Variants in THAP3 observed in about 807,000 individuals in gnomAD.
THAP3 encodes THAP domain-containing protein 3.
In THAP3, 12 loss-of-function variants were observed where a neutral mutation model predicts 17.7. The ratio of observed to expected loss-of-function variants is 0.68; its 90% CI spans 0.43 to 1.10. The LOEUF (loss-of-function observed/expected upper bound fraction) is 1.10. THAP3 is among the 50% of genes least tolerant of loss of function. The probability of loss-of-function intolerance (pLI) is 0.00; values close to 1 mark genes in which losing one functional copy is unlikely to be tolerated. For synonymous variants in THAP3, 133 were observed against 126.9 expected (o/e 1.05, Z -0.32); for missense variants, 289 against 318.0 (o/e 0.91, Z 0.69).
chr1:6,630,226 G>A (rs2148718850), intron 3 of THAP3, 62 bp from the exon 4 acceptor site: 1 of 1,469,158 alleles, frequency 6.8e-7, no homozygotes, highest in East Asian at 2.3e-5. Flanking sequence ...TGATGCCCGA[G>A]GCCTGCCCCG....
chr1:6,633,565 G>A (rs1408499091), downstream of THAP3: 5 of 1,069,244 alleles, frequency 4.7e-6, no homozygotes, highest in Non-Finnish European at 5.7e-6. Flanking sequence ...TTTCTATACG[G>A]TGTCGCTCCC....
Position 6,630,288 on chromosome 1 carries a change from C to G in THAP3, c.268C>G (p.Gln90Glu). 1 of 1,614,020 alleles carries G rather than the reference C, an allele frequency of 6.2e-7. No individual in the cohort carries two copies. The highest frequency in any genetic ancestry group is 1.3e-5 in the African/African-American group (1 of 75,012). Reference protein sequence around the residue: ...TVFAFQDPTQQVRENTDPASE... With the variant: ...TVFAFQDPTQEVRENTDPASE... Reference sequence around the variant, plus strand: ...TCCACTCTGTGTGTGTCTCTTGTAGCAGGTGAGGGAGAACACAGACCCTGC... The same window carrying G: ...TCCACTCTGTGTGTGTCTCTTGTAGGAGGTGAGGGAGAACACAGACCCTGC... The change falls in exon 4 of 6, where the codon CAG becomes GAG. Residue 90 changes from glutamine (Q) to glutamate (E), a missense_variant and splice_region_variant. Coordinates refer to ENST00000054650, the MANE Select transcript of THAP3 (RefSeq NM_001195753.2).
chr1:6,633,171 C>T lies in THAP3; in HGVS notation c.*94C>T, dbSNP rs956451180. ...TGGACATTTTTGTCTGCTGTGGACACTGAGAAAGTTGGCCATGAGGCCTGC... is the reference window on the plus strand; with the variant it reads ...TGGACATTTTTGTCTGCTGTGGACATTGAGAAAGTTGGCCATGAGGCCTGC... On this transcript the variant is annotated 3_prime_UTR_variant, in exon 6 of 6. Transcript: ENST00000054650. 7.4e-6 allele frequency: 11 copies of T among 1,482,010 alleles called. No individual in the cohort carries two copies. Among genetic ancestry groups the T allele is most frequent in the African/African-American group, 1.4e-5 (1 of 70,406 alleles). The allele number at this position is 1,482,010 out of a possible 1,614,324, so 91.8% of individuals were successfully genotyped here.
chr1:6,631,101 A>G (rs1641601144), intron 4 of THAP3, among the ~76,000 whole-genome samples: 1 of 151,630 alleles, frequency 6.6e-6, no homozygotes, highest in Non-Finnish European at 1.5e-5. Flanking sequence ...ACCTCCCAGG[A>G]TCAAGCCATC....
intron 3 of THAP3, 68 bp downstream of exon 3, chr1:6,628,759 G>A: frequency 2.0e-6 from 3 of 1,498,486 alleles, no homozygotes; most frequent in Admixed American, 4.1e-5. Flanking sequence ...GCTGGGGGCA[G>A]TGGGGGTGGC....
chr1:6,633,962 G>A (rs891064115), downstream of THAP3: 1 of 1,490,752 alleles, frequency 6.7e-7, no homozygotes, highest in Non-Finnish European at 9.2e-7. Flanking sequence ...TAGCTTTAGT[G>A]AATTAAAGAA....
chr1:6,626,444 G>T (rs1393070611), intron 2 of THAP3, among the ~76,000 whole-genome samples: 1 of 151,942 alleles, frequency 6.6e-6, no homozygotes, highest in African/African-American at 2.4e-5. Flanking sequence ...ATTCGCTTTC[G>T]TTGCCACATA....
chr1:6,633,611 G>A (rs1641691466), downstream of THAP3: 1 of 1,078,904 alleles, frequency 9.3e-7, no homozygotes, highest in Non-Finnish European at 1.1e-6. Flanking sequence ...TTCCTTCTAA[G>A]AAGACTGACT....
Position 6,624,869 on chromosome 1 carries a change from C to A in THAP3, c.-155C>A. The stretch of plus-strand genomic sequence containing the variant: ...CACTGAGGGGTTGGCCGTTGGTTTC[C>A]AGTTGTCCAAGCCTGTGAGTGGCTA... On this transcript the variant is annotated 5_prime_UTR_variant, in exon 1 of 6. Coordinates refer to ENST00000054650, the MANE Select transcript of THAP3 (RefSeq NM_001195753.2). The A allele has an allele frequency of 3.1e-6, 1 of 327,814 alleles. No homozygotes were observed. Among genetic ancestry groups the A allele is most frequent in the Non-Finnish European group, 5.7e-6 (1 of 175,616 alleles). The allele number at this position is 327,814 out of a possible 1,614,324, so 20.3% of individuals were successfully genotyped here. A position where few individuals can be genotyped will look rare whatever the true frequency, so the allele number is the denominator to read the frequency against.
In THAP3 at chr1:6,633,262, T is replaced by C. The variant is rs1641679202; in HGVS notation, c.*185T>C. The C allele has an allele frequency of 7.0e-7, 1 of 1,436,860 alleles. No homozygotes were observed. Among genetic ancestry groups the C allele is most frequent in the Middle Eastern group, 2.6e-4 (1 of 3,890 alleles). The allele number at this position is 1,436,860 out of a possible 1,614,324, so 89.0% of individuals were successfully genotyped here. A position where few individuals can be genotyped will look rare whatever the true frequency, so the allele number is the denominator to read the frequency against. ...AGCCCCAATGCCGTCTGGGGGACGT[T>C]TAGAGGCGTGGCACTAGGAGTGCAC... On this transcript the variant is annotated 3_prime_UTR_variant, in exon 6 of 6. Coordinates refer to ENST00000054650, the MANE Select transcript of THAP3 (RefSeq NM_001195753.2).
chr1:6,634,570 G>A, downstream of THAP3: 1 of 1,365,778 alleles, frequency 7.3e-7, no homozygotes, highest in Non-Finnish European at 9.8e-7. Context: ...GTCAGCAAGA[G>A]CAACTGATGG....
At chr1:6,627,260 C>T (rs991722869) in intron 2 of THAP3, among the ~76,000 whole-genome samples, 7 of 152,188 alleles carry the variant, frequency 4.6e-5, no homozygotes, top group South Asian at 2.1e-4. Context: ...TTATCGGTTC[C>T]GCAGGGTTGG....
chr1:6,630,238 G>A (rs1192434413), intron 3 of THAP3, 50 bp from the exon 4 acceptor site: 1 of 1,567,244 alleles, frequency 6.4e-7, no homozygotes, highest in Admixed American at 1.7e-5. Flanking sequence ...CCTGCCCCGA[G>A]CTCTGAGGGT....
intron 2 of THAP3, among the ~76,000 whole-genome samples, chr1:6,626,153 T>A (rs903321584): frequency 1.3e-5 from 2 of 151,494 alleles, no homozygotes; most frequent in African/African-American, 4.9e-5. Context: ...ACAAATAATT[T>A]AAAAAAATTA....
chr1:6,630,435 C>T (rs986493530), intron 4 of THAP3, 82 bp downstream of exon 4: 17 of 1,443,110 alleles, frequency 1.2e-5, no homozygotes, highest in Non-Finnish European at 1.6e-5. Context: ...CCAGCAAGGC[C>T]GGCCCGCAGG....
intron 2 of THAP3, among the ~76,000 whole-genome samples, chr1:6,627,397 A>C (rs773838484): frequency 5.9e-5 from 9 of 152,072 alleles, no homozygotes; most frequent in Admixed American, 1.3e-4. Context: ...ACAGACTCTC[A>C]CTCTGTTGCC....
intron 3 of THAP3, among the ~76,000 whole-genome samples, chr1:6,629,064 T>C (rs1412203338): frequency 6.6e-6 from 1 of 152,132 alleles, no homozygotes; most frequent in Non-Finnish European, 1.5e-5. Flanking sequence ...CAGCTGGGTG[T>C]GTTGGTGGGC....
chr1:6,634,680 C>G (rs777405150), downstream of THAP3: 7 of 1,366,154 alleles, frequency 5.1e-6, no homozygotes, highest in South Asian at 4.5e-5. Flanking sequence ...TTCTGCATCC[C>G]AAGTGGGCAC....
chr1:6,629,811 A>G, intron 3 of THAP3: 1 of 173,058 alleles, frequency 5.8e-6, no homozygotes, highest in Non-Finnish European at 1.3e-5. Flanking sequence ...AGCCACTGGG[A>G]GTGGGGACGT....
Sources: gnomAD v4.1 joint callset for allele counts (sites outside exome capture counted in the v4.1 genomes callset) on GRCh38, gnomAD v4.1.1 for gene constraint, MANE v1.5 for transcripts, NCBI Gene and HGNC (gene_info 2026-07-23, HGNC 2026-07-21) for gene names.